TIAM1: variants seen among roughly 807,000 people sequenced by gnomAD.
The protein encoded by TIAM1 is rho guanine nucleotide exchange factor TIAM1.
TIAM1 carries 65 observed loss-of-function variants against 163.5 expected under a neutral mutation model. The observed-to-expected ratio is 0.40, with a 90% CI of 0.33 to 0.49. TIAM1 has a LOEUF of 0.49. Ranked by LOEUF, TIAM1 falls within the 20% of genes least tolerant of loss-of-function variation. The probability of loss-of-function intolerance (pLI) is 0.77; values close to 1 mark genes in which losing one functional copy is unlikely to be tolerated. For missense variants in TIAM1, 1,789 were observed against 2,044.7 expected (o/e 0.87, Z 2.41); for synonymous variants, 833 against 810.1 (o/e 1.03, Z -0.48).
At chr21:31,445,926 T>C (rs1303439579) in intron 2 of TIAM1, among the ~76,000 whole-genome samples, 9 of 152,008 alleles carry the variant, frequency 5.9e-5, no homozygotes, top group Admixed American at 5.9e-4. Flanking sequence ...ACTATGTTTG[T>C]TTTTATTTTT....
intron 1 of TIAM1, among the ~76,000 whole-genome samples, chr21:31,524,780 G>C (rs1240619607): frequency 6.6e-6 from 1 of 152,158 alleles, no homozygotes; most frequent in African/African-American, 2.4e-5. Context: ...AGCATTTAGT[G>C]TGTGCCTTGT....
At chr21:31,319,620 T>C (rs1469594412) in intron 2 of TIAM1, among the ~76,000 whole-genome samples, 1 of 151,214 alleles carries the variant, frequency 6.6e-6, no homozygotes, top group South Asian at 2.1e-4. Context: ...GTACTAAAAA[T>C]ACAAAAAAAA....
chr21:31,137,556 C>T (rs893913147), intron 22 of TIAM1, among the ~76,000 whole-genome samples: 1 of 151,808 alleles, frequency 6.6e-6, no homozygotes, highest in Non-Finnish European at 1.5e-5. Flanking sequence ...CCTGGGAGTA[C>T]GTCTTTAAAA....
At chr21:31,406,163 T>C (rs1416778153) in intron 2 of TIAM1, among the ~76,000 whole-genome samples, 2 of 134,096 alleles carry the variant, frequency 1.5e-5, no homozygotes, top group Admixed American at 1.5e-4. Flanking sequence ...TTGAGTCCCA[T>C]GGCTTAAATG....
Position 31,213,360 on chromosome 21 carries a change from T to A in TIAM1, c.2217+38A>T, listed in dbSNP as rs773655884. The A allele has an allele frequency of 1.9e-6, 3 of 1,570,880 alleles. No homozygotes were observed. The South Asian group carries it at 3.5e-5, about 18-fold the overall frequency. On this transcript the variant is annotated intron_variant, in intron 10 of 27. Transcript: ENST00000541036. The stretch of plus-strand genomic sequence containing the variant: ...CACCATGTATATGTTGATGCACTTG[T>A]GGTACTTTTAGAAAAGAAAACACAC...
chr21:31,165,216 C>T (rs13340020), intron 15 of TIAM1, 151 bp from the exon 16 acceptor site: 11,640 of 599,944 alleles, frequency 0.019, 1,053 homozygotes, highest in African/African-American at 0.19. Context: ...TGGGCTCAAT[C>T]AAATTAAAAT....
At chr21:31,453,069 T>C (rs2044932200) in intron 2 of TIAM1, 2 of 388,278 alleles carry the variant, frequency 5.2e-6, no homozygotes, top group African/African-American at 2.1e-5. Context: ...GGGAGATATA[T>C]TGGATCTTCT....
upstream of TIAM1, among the ~76,000 whole-genome samples, chr21:31,346,571 C>T (rs1297137301): frequency 2.6e-5 from 4 of 152,174 alleles, no homozygotes; most frequent in African/African-American, 9.7e-5. Flanking sequence ...TCGCGTACTT[C>T]GGGGAAGCCG....
intron 2 of TIAM1, among the ~76,000 whole-genome samples, chr21:31,352,822 C>T (rs1171131677): frequency 1.3e-5 from 2 of 151,470 alleles, no homozygotes; most frequent in Admixed American, 1.3e-4. Context: ...TTGCAGTGAG[C>T]TGTAATCATG....
chr21:31,150,532 A>G (rs6517015), intron 19 of TIAM1, among the ~76,000 whole-genome samples: 14,771 of 152,272 alleles, frequency 0.097, 786 homozygotes, highest in African/African-American at 0.13. Flanking sequence ...ATATTCATAC[A>G]CACACAAATT....
chr21:31,254,993 G>C (rs1404565556), intron 4 of TIAM1, among the ~76,000 whole-genome samples: 1 of 152,146 alleles, frequency 6.6e-6, no homozygotes, highest in Non-Finnish European at 1.5e-5. Flanking sequence ...TTTAAACTAA[G>C]AGTAAGGCCT....
chr21:31,217,796 T>C, intron 8 of TIAM1, 97 bp from the exon 9 acceptor site: 1 of 1,458,668 alleles, frequency 6.9e-7, no homozygotes, highest in Middle Eastern at 2.2e-4. Flanking sequence ...CAAAAAACCC[T>C]CCTCCATCAT....
chr21:31,164,168 A>G (rs2084081570), intron 16 of TIAM1, among the ~76,000 whole-genome samples: 2 of 152,210 alleles, frequency 1.3e-5, no homozygotes, highest in Admixed American at 1.3e-4. Flanking sequence ...AGGCGGGTGG[A>G]TCACGAGGTC....
intron 2 of TIAM1, among the ~76,000 whole-genome samples, chr21:31,432,037 G>A (rs1444840760): frequency 7.5e-5 from 11 of 146,450 alleles, no homozygotes; most frequent in Admixed American, 7.5e-4. Context: ...ATATCTTTGT[G>A]AAATCTGGAA....
At chr21:31,281,015 T>C (rs1217121834) in intron 2 of TIAM1, among the ~76,000 whole-genome samples, 1 of 141,346 alleles carries the variant, frequency 7.1e-6, no homozygotes, top group Non-Finnish European at 1.5e-5. Context: ...CTTGGGAGGC[T>C]GAGGTCAGAG....
chr21:31,147,617 T>C (rs772784900), intron 19 of TIAM1, among the ~76,000 whole-genome samples: 3 of 149,472 alleles, frequency 2.0e-5, no homozygotes, highest in Non-Finnish European at 4.4e-5. Context: ...GAGAAGATAC[T>C]TTGTATCCCA....
At chr21:31,553,553 T>C (rs2048765914) in intron 1 of TIAM1, among the ~76,000 whole-genome samples, 2 of 152,148 alleles carry the variant, frequency 1.3e-5, no homozygotes, top group African/African-American at 2.4e-5. Context: ...TCCTGGACTT[T>C]CCTGCAAGAA....
chr21:31,332,599 A>G (rs1410217013), intron 2 of TIAM1, among the ~76,000 whole-genome samples: 3 of 152,138 alleles, frequency 2.0e-5, no homozygotes, highest in African/African-American at 7.2e-5. Flanking sequence ...CCTCACTCAA[A>G]AAAACTTTTT....
At chr21:31,455,243 C>T (rs1370991077) in intron 2 of TIAM1, among the ~76,000 whole-genome samples, 7 of 138,306 alleles carry the variant, frequency 5.1e-5, no homozygotes, top group Non-Finnish European at 1.1e-4. Flanking sequence ...CATACCATTG[C>T]ACTCCAGCCT....
Sources: gnomAD v4.1 joint callset for allele counts (sites outside exome capture counted in the v4.1 genomes callset) on GRCh38, gnomAD v4.1.1 for gene constraint, MANE v1.5 for transcripts, NCBI Gene and HGNC (gene_info 2026-07-23, HGNC 2026-07-21) for gene names.